The following MAST2 variants were observed in gnomAD, a reference collection of about 807,000 sequenced individuals.
The protein encoded by MAST2 is microtubule associated serine/threonine kinase 2, also known as microtubule-associated serine/threonine-protein kinase 2.
Under a neutral mutation model 147.4 loss-of-function variants are expected in MAST2, and 70 were observed. The observed-to-expected ratio is 0.47, with a 90% confidence interval of 0.39 to 0.58. The LOEUF (loss-of-function observed/expected upper bound fraction) is 0.58. Among genes scored for constraint, MAST2 ranks in the 20% least tolerant of loss-of-function variants. MAST2 has a pLI of 0.00. For synonymous variants in MAST2, 869 were observed against 896.8 expected (o/e 0.97, Z 0.55); for missense variants, 2,080 against 2,302.3 (o/e 0.90, Z 1.98).
At chr1:46,012,950 C>T (rs919470550) in intron 10 of MAST2, among the ~76,000 whole-genome samples, 2 of 151,962 alleles carry the variant, frequency 1.3e-5, no homozygotes, top group Non-Finnish European at 2.9e-5. Flanking sequence ...TACAAATGAC[C>T]AGCTGGCAGA....
At position 46,030,120 on chromosome 1, in the gene MAST2, C is replaced by G; in HGVS notation, c.2444-9C>G. On this transcript the variant is annotated splice_polypyrimidine_tract_variant and intron_variant, in intron 20 of 28. Coordinates refer to ENST00000361297, the MANE Select transcript of MAST2 (RefSeq NM_015112.3). ...CTCTGAAGGAAAGTGTCCTTTATGTCTGGCCCAGCCCGCTCAGAGCGATAC... is the reference window on the plus strand; with the variant it reads ...CTCTGAAGGAAAGTGTCCTTTATGTGTGGCCCAGCCCGCTCAGAGCGATAC... 1.2e-6 allele frequency: 2 copies of G among 1,613,750 alleles called. No homozygotes were observed. The highest frequency in any genetic ancestry group is 1.7e-6 in the Non-Finnish European group (2 of 1,179,616).
chr1:45,982,320 G>A (rs1644443008), intron 5 of MAST2, among the ~76,000 whole-genome samples: 1 of 152,176 alleles, frequency 6.6e-6, no homozygotes, highest in Non-Finnish European at 1.5e-5. Flanking sequence ...TGAAACATAG[G>A]ATTGTCTTGT....
At chr1:45,873,318 G>A (rs1646475605) in intron 3 of MAST2, among the ~76,000 whole-genome samples, 2 of 151,526 alleles carry the variant, frequency 1.3e-5, no homozygotes, top group East Asian at 3.9e-4. Context: ...TCGGTCCCCT[G>A]AATAGTTGGG....
At chr1:45,839,408 G>C (rs574271058) in intron 3 of MAST2, among the ~76,000 whole-genome samples, 1 of 152,070 alleles carries the variant, frequency 6.6e-6, no homozygotes, top group Non-Finnish European at 1.5e-5. Context: ...GATCACAGGC[G>C]TGAGCCACCA....
At chr1:45,956,234 G>A (rs1271358727) in intron 4 of MAST2, among the ~76,000 whole-genome samples, 1 of 152,056 alleles carries the variant, frequency 6.6e-6, no homozygotes, top group African/African-American at 2.4e-5. Context: ...TCTCCCAATG[G>A]ATAGATGTTT....
At position 46,022,989 on chromosome 1, in the gene MAST2, C is replaced by G. The variant is rs1401255303; in HGVS notation, c.1485+18C>G. 1 of 1,611,666 alleles carries G rather than the reference C, an allele frequency of 6.2e-7. No individual in the cohort carries two copies. The highest frequency in any genetic ancestry group is 2.2e-5 in the East Asian group (1 of 44,860). On this transcript the variant is annotated intron_variant, in intron 13 of 28. Coordinates refer to ENST00000361297, the MANE Select transcript of MAST2 (RefSeq NM_015112.3). ...CTATTGAGGTAAAAACCCTGAGCTC[C>G]TACCCCATTCCTGGAGCCTGGGCCC...
chr1:45,902,385 T>A (rs1294556340), intron 4 of MAST2, among the ~76,000 whole-genome samples: 1 of 152,222 alleles, frequency 6.6e-6, no homozygotes, highest in Non-Finnish European at 1.5e-5. Context: ...TTCAGTTTAC[T>A]AGTATTTTGT....
chr1:45,963,372 G>A (rs1184615602), intron 5 of MAST2, among the ~76,000 whole-genome samples: 7 of 152,076 alleles, frequency 4.6e-5, no homozygotes, highest in African/African-American at 1.7e-4. Flanking sequence ...CCATTTTCAC[G>A]ATATTGATTC....
chr1:45,968,337 ACTT>A (rs1167574565), intron 5 of MAST2, among the ~76,000 whole-genome samples: 1 of 152,146 alleles, frequency 6.6e-6, no homozygotes, highest in African/African-American at 2.4e-5. Context: ...TCTCTGAACA[ACTT>A]CTTTTAACAT....
chr1:45,861,229 C>CTGGTAAAGCTGTT (rs1645971009), intron 3 of MAST2, among the ~76,000 whole-genome samples: 1 of 152,110 alleles, frequency 6.6e-6, no homozygotes, highest in Non-Finnish European at 1.5e-5. Flanking sequence ...GTCAATTTAT[C>CTGGTAAAGCTGTT]TGGTAAAGCT....
At chr1:45,888,908 A>T (rs1300942111) in intron 4 of MAST2, among the ~76,000 whole-genome samples, 1 of 150,888 alleles carries the variant, frequency 6.6e-6, no homozygotes, top group Non-Finnish European at 1.5e-5. Context: ...TCTCAATCTG[A>T]CCTCATCATC....
At chr1:45,875,223 A>G (rs368098989) in intron 3 of MAST2, among the ~76,000 whole-genome samples, 1 of 152,210 alleles carries the variant, frequency 6.6e-6, no homozygotes, top group East Asian at 1.9e-4. Flanking sequence ...AGGTAGGTGG[A>G]TCACCTGGGG....
intron 2 of MAST2, among the ~76,000 whole-genome samples, chr1:45,827,705 G>T (rs1221995649): frequency 6.6e-6 from 1 of 151,876 alleles, no homozygotes; most frequent in Non-Finnish European, 1.5e-5. Flanking sequence ...CCAGTAAAAG[G>T]TACATTTGAG....
chr1:45,988,697 T>G (rs1644744746), intron 5 of MAST2, among the ~76,000 whole-genome samples: 1 of 152,232 alleles, frequency 6.6e-6, no homozygotes, highest in Non-Finnish European at 1.5e-5. Context: ...TAGGTATTTA[T>G]TATCTAGATC....
At chr1:45,995,007 T>C (rs1645000200) in intron 5 of MAST2, among the ~76,000 whole-genome samples, 1 of 151,764 alleles carries the variant, frequency 6.6e-6, no homozygotes, top group Non-Finnish European at 1.5e-5. Context: ...CCCGGCTAAT[T>C]TTTTTGTATT....
intron 1 of MAST2, among the ~76,000 whole-genome samples, chr1:45,823,574 T>A (rs1453855931): frequency 6.6e-6 from 1 of 152,126 alleles, no homozygotes; most frequent in Non-Finnish European, 1.5e-5. Context: ...GACCTCATGA[T>A]CCACCTGCCT....
chr1:46,020,076 G>A (rs149174425), intron 11 of MAST2, among the ~76,000 whole-genome samples: 23 of 152,280 alleles, frequency 1.5e-4, no homozygotes, highest in African/African-American at 5.3e-4. Context: ...ATACAGACAT[G>A]AATAAAGCAC....
intron 3 of MAST2, among the ~76,000 whole-genome samples, chr1:45,877,149 A>T (rs1421548990): frequency 6.6e-6 from 1 of 152,240 alleles, no homozygotes; most frequent in Non-Finnish European, 1.5e-5. Context: ...GAAGTCCAAG[A>T]TCAAGGTGTT....
At position 46,029,612 on chromosome 1, in the gene MAST2, T is replaced by A. The variant is rs778738236; in HGVS notation, c.2320+45T>A. 1.1e-5 allele frequency: 17 copies of A among 1,568,512 alleles called. No individual in the cohort carries two copies. In the African/African-American group the frequency reaches 1.8e-4, roughly 16 times the overall value. ...CTTTTCTCACTACTTGGAAAAGGGG[T>A]AAGGGAGGCTGAGTCATGTACCCTG... On this transcript the variant is annotated intron_variant, in intron 19 of 28. Coordinates refer to ENST00000361297, the MANE Select transcript of MAST2 (RefSeq NM_015112.3).
Sources: allele counts gnomAD v4.1 joint callset (sites outside exome capture counted in the v4.1 genomes callset), GRCh38; gene constraint gnomAD v4.1.1; transcripts MANE v1.5; gene names NCBI Gene and HGNC (gene_info 2026-07-23, HGNC 2026-07-21).